The following BICD1 variants were observed in gnomAD, a reference collection of about 807,000 sequenced individuals.
The protein encoded by BICD1 is protein bicaudal D homolog 1.
In BICD1, 35 loss-of-function variants were observed where a neutral mutation model predicts 92.5. That is an observed-to-expected ratio of 0.38 (90% confidence interval 0.29 to 0.50). The LOEUF is 0.50. Among genes scored for constraint, BICD1 ranks in the 20% least tolerant of loss-of-function variants. The probability of loss-of-function intolerance (pLI) is 0.93; values close to 1 mark genes in which losing one functional copy is unlikely to be tolerated. For missense variants in BICD1, 950 were observed against 1,189.8 expected (o/e 0.80, Z 2.97); for synonymous variants, 429 against 465.1 (o/e 0.92, Z 1.00).
At chr12:32,265,159 C>T (rs181766247) in intron 2 of BICD1, among the ~76,000 whole-genome samples, 6 of 151,816 alleles carry the variant, frequency 4.0e-5, no homozygotes, top group Non-Finnish European at 8.8e-5. Context: ...AGCAGAAGGC[C>T]CAGGTGTTTC....
chr12:32,116,032 G>A (rs993715021), intron 1 of BICD1, among the ~76,000 whole-genome samples: 1 of 152,128 alleles, frequency 6.6e-6, no homozygotes, highest in Non-Finnish European at 1.5e-5. Context: ...GGGAGAAAAG[G>A]GTACAAAAGA....
chr12:32,374,134 A>G (rs375609138), intron 9 of BICD1, among the ~76,000 whole-genome samples: 125 of 151,702 alleles, frequency 8.2e-4, no homozygotes, highest in South Asian at 3.3e-3. Context: ...GAATTGCTTG[A>G]ACCTGGGAGG....
intron 8 of BICD1, among the ~76,000 whole-genome samples, chr12:32,349,797 G>T (rs950974416): frequency 2.0e-5 from 3 of 152,120 alleles, no homozygotes; most frequent in Admixed American, 6.5e-5. Context: ...GAGTAGACAA[G>T]GCAGGAAGGA....
intron 9 of BICD1, among the ~76,000 whole-genome samples, chr12:32,375,603 T>C (rs960326587): frequency 1.3e-5 from 2 of 152,206 alleles, no homozygotes; most frequent in Non-Finnish European, 2.9e-5. Context: ...CATGTTTACA[T>C]ACCACATTTT....
chr12:32,182,040 C>T (rs977115595), intron 1 of BICD1, among the ~76,000 whole-genome samples: 1 of 151,876 alleles, frequency 6.6e-6, no homozygotes, highest in African/African-American at 2.4e-5. Context: ...AAATGAAAAA[C>T]TGTCAGGGTA....
At position 32,380,546 on chromosome 12, in the gene BICD1, G is replaced by C. The variant is rs1175290474; in HGVS notation, c.*2919G>C. 1 of 152,106 alleles carries C rather than the reference G, an allele frequency of 6.6e-6. No homozygotes were observed. The highest frequency in any genetic ancestry group is 2.4e-5 in the African/African-American group (1 of 41,420). 9.4% of individuals were successfully genotyped at this position (152,106 alleles called of 1,614,324 possible). The stretch of plus-strand genomic sequence containing the variant: ...CACAATTACAATATTGAATAGTATG[G>C]AGAAATGCTTTTCTCCTGAGGATTT... On this transcript the variant is annotated 3_prime_UTR_variant, in exon 10 of 10. Transcript: ENST00000652176.
chr12:32,256,882 T>G (rs1946734156), intron 2 of BICD1, among the ~76,000 whole-genome samples: 1 of 152,084 alleles, frequency 6.6e-6, no homozygotes, highest in East Asian at 1.9e-4. Flanking sequence ...CAGTTCATCA[T>G]CAGACACAAA....
At chr12:32,159,584 AG>A (rs2121485145) in intron 1 of BICD1, among the ~76,000 whole-genome samples, 1 of 152,276 alleles carries the variant, frequency 6.6e-6, no homozygotes, top group South Asian at 2.1e-4. Flanking sequence ...TTGGTCCCAA[AG>A]GAACGTTCTG....
At chr12:32,128,798 G>C (rs957934653) in intron 1 of BICD1, among the ~76,000 whole-genome samples, 1 of 151,846 alleles carries the variant, frequency 6.6e-6, no homozygotes, top group African/African-American at 2.4e-5. Flanking sequence ...TTTAAGATAG[G>C]GTATTGTTTT....
At chr12:32,317,744 T>G (rs1289024493) in intron 4 of BICD1, among the ~76,000 whole-genome samples, 4 of 152,154 alleles carry the variant, frequency 2.6e-5, no homozygotes, top group Non-Finnish European at 4.4e-5. Context: ...TTTTGGCTTT[T>G]GTTGCCATTG....
intron 3 of BICD1, among the ~76,000 whole-genome samples, chr12:32,301,772 C>CACAA (rs1176306505): frequency 1.3e-5 from 2 of 152,082 alleles, no homozygotes; most frequent in Admixed American, 6.6e-5. Context: ...AAGACCCTGT[C>CACAA]ACAAACAAAC....
intron 1 of BICD1, among the ~76,000 whole-genome samples, chr12:32,178,514 A>C (rs1483669179): frequency 6.6e-6 from 1 of 152,014 alleles, no homozygotes; most frequent in Non-Finnish European, 1.5e-5. Context: ...GGGAAAAGGC[A>C]GAAAGCCAAG....
rs754143869 is a variant in BICD1, at chr12:32,337,824, T to C, written c.2570+8T>C. ...TGGCACTCAGAGGAAAAGGTATGCA[T>C]GCAGCGATCTTCATAGTACGGTGCA... On this transcript the variant is annotated splice_region_variant and intron_variant, in intron 7 of 9. Transcript: ENST00000652176. The surrounding 1 kb of genome is among the most constrained non-coding windows in gnomAD (Gnocchi z 4.7). The C allele has an allele frequency of 6.2e-7, 1 of 1,613,724 alleles. No individual in the cohort carries two copies. Among genetic ancestry groups the C allele is most frequent in the African/African-American group, 1.3e-5 (1 of 74,912 alleles).
At chr12:32,312,851 T>A (rs924781161) in intron 4 of BICD1, among the ~76,000 whole-genome samples, 7 of 152,202 alleles carry the variant, frequency 4.6e-5, no homozygotes, top group African/African-American at 1.7e-4. Context: ...CAGAGTATTA[T>A]CGGATAAATT....
intron 1 of BICD1, among the ~76,000 whole-genome samples, chr12:32,124,211 G>A (rs950014413): frequency 6.6e-6 from 1 of 152,176 alleles, no homozygotes; most frequent in Non-Finnish European, 1.5e-5. Flanking sequence ...AATCTTTAGA[G>A]AGCATCATCT....
Position 32,334,627 on chromosome 12 carries a change from G to A in BICD1, c.2212G>A (p.Ala738Thr). The A allele has an allele frequency of 6.2e-7, 1 of 1,612,954 alleles. No individual in the cohort carries two copies. Among genetic ancestry groups the A allele is most frequent in the Non-Finnish European group, 8.5e-7 (1 of 1,179,566 alleles). The part of the protein sequence containing the change: ...RNELKALKED[A>T]ATFSSLRAMF... ...TGAACTGAAGGCTTTGAAAGAAGAT[G>A]CTGCAACCTTCTCATCCCTGAGAGC... The change falls in exon 6 of 10, where the codon GCT becomes ACT. Residue 738 changes from alanine (A) to threonine (T), a missense_variant. Ala to Thr is a moderately conservative substitution (Grantham distance 58). Coordinates refer to ENST00000652176, the MANE Select transcript of BICD1 (RefSeq NM_001714.4).
intron 2 of BICD1, among the ~76,000 whole-genome samples, chr12:32,270,751 A>G (rs1004612080): frequency 1.1e-4 from 17 of 152,358 alleles, no homozygotes; most frequent in African/African-American, 4.1e-4. Flanking sequence ...CTAAACACAG[A>G]CATTTTCTCA....
chr12:32,298,013 C>A (rs1002815829), intron 3 of BICD1, among the ~76,000 whole-genome samples: 5 of 151,796 alleles, frequency 3.3e-5, no homozygotes, highest in African/African-American at 1.2e-4. Flanking sequence ...GAGACCTCAT[C>A]TCTACCAACA....
intron 1 of BICD1, among the ~76,000 whole-genome samples, chr12:32,110,211 C>T (rs148990233): frequency 6.6e-6 from 1 of 152,244 alleles, no homozygotes; most frequent in Non-Finnish European, 1.5e-5. Context: ...CTAGGTACTG[C>T]TGTGACAATA....
Sources: gnomAD v4.1 joint callset for allele counts (sites outside exome capture counted in the v4.1 genomes callset) on GRCh38, gnomAD v4.1.1 for gene constraint, Gnocchi (gnomAD v3.1) non-coding constraint, MANE v1.5 for transcripts, NCBI Gene and HGNC (gene_info 2026-07-23, HGNC 2026-07-21) for gene names.